The following LINGO2 variants were observed in gnomAD, a reference collection of about 807,000 sequenced individuals.
LINGO2 encodes leucine-rich repeat and immunoglobulin-like domain-containing nogo receptor-interacting protein 2.
LINGO2 carries 14 observed loss-of-function variants against 30.6 expected under a neutral mutation model. That is an observed-to-expected ratio of 0.46 (90% CI 0.30 to 0.72). The LOEUF (loss-of-function observed/expected upper bound fraction) is 0.72. Ranked by LOEUF, LINGO2 falls within the 30% of genes least tolerant of loss-of-function variation. LINGO2 has a pLI of 0.07. For missense variants in LINGO2, 729 were observed against 751.7 expected (o/e 0.97, Z 0.35); for synonymous variants, 317 against 288.5 (o/e 1.10, Z -1.00).
intron 4 of LINGO2, among the ~76,000 whole-genome samples, chr9:28,238,068 G>C (rs989072491): frequency 2.6e-5 from 4 of 151,748 alleles, no homozygotes; most frequent in African/African-American, 9.7e-5. Flanking sequence ...TAGTCAATTC[G>C]GCATAAGGAT....
intron 4 of LINGO2, among the ~76,000 whole-genome samples, chr9:28,170,656 G>A (rs549055229): frequency 3.3e-5 from 5 of 152,296 alleles, no homozygotes; most frequent in South Asian, 4.1e-4. Context: ...ATGGGTCTCA[G>A]GGCTGCATTC....
At chr9:28,609,982 A>C (rs1007328019) in intron 1 of LINGO2, among the ~76,000 whole-genome samples, 1 of 152,146 alleles carries the variant, frequency 6.6e-6, no homozygotes, top group Non-Finnish European at 1.5e-5. Flanking sequence ...GAAAATAGCA[A>C]AATGCAGAAT....
chr9:28,286,601 C>G (rs528910307), intron 4 of LINGO2, among the ~76,000 whole-genome samples: 1 of 152,036 alleles, frequency 6.6e-6, no homozygotes, highest in Non-Finnish European at 1.5e-5. Flanking sequence ...AAATGTAGTA[C>G]GTATATACCA....
intron 4 of LINGO2, among the ~76,000 whole-genome samples, chr9:28,250,671 T>C (rs915676525): frequency 6.6e-6 from 1 of 152,168 alleles, no homozygotes; most frequent in Admixed American, 6.6e-5. Context: ...CAAAGCACCC[T>C]AACCCCTCAC....
the LINGO2 span, among the ~76,000 whole-genome samples, chr9:28,697,566 C>A: frequency 6.6e-6 from 1 of 151,358 alleles, no homozygotes; most frequent in Non-Finnish European, 1.5e-5. Context: ...AAGTCTGGGT[C>A]TTTGTAAAAA....
intron 4 of LINGO2, among the ~76,000 whole-genome samples, chr9:28,259,442 C>T (rs796926871): frequency 6.6e-6 from 1 of 151,794 alleles, no homozygotes; most frequent in African/African-American, 2.4e-5. Context: ...TTCTCCCAGT[C>T]GTACAAAAGA....
intron 5 of LINGO2, among the ~76,000 whole-genome samples, chr9:28,003,141 A>G (rs1309558879): frequency 6.6e-6 from 1 of 152,222 alleles, no homozygotes; most frequent in Non-Finnish European, 1.5e-5. Context: ...AGAAAGCATT[A>G]GTGATCCTGC....
the LINGO2 span, among the ~76,000 whole-genome samples, chr9:29,190,495 T>A: frequency 6.6e-5 from 10 of 152,264 alleles, 1 homozygote; most frequent in African/African-American, 2.4e-4. Context: ...AATGTAATAT[T>A]ACTTATTTAG....
At chr9:28,005,734 T>C (rs1416456619) in intron 5 of LINGO2, among the ~76,000 whole-genome samples, 1 of 152,110 alleles carries the variant, frequency 6.6e-6, no homozygotes, top group Admixed American at 6.5e-5. Context: ...TAATATATAA[T>C]CTTTTATTTT....
chr9:28,023,414 G>T (rs2119392280), intron 4 of LINGO2, among the ~76,000 whole-genome samples: 1 of 152,270 alleles, frequency 6.6e-6, no homozygotes, highest in South Asian at 2.1e-4. Context: ...ACTTCATTAA[G>T]TAGAATCTAT....
At chr9:28,097,430 C>T (rs867784583) in intron 4 of LINGO2, among the ~76,000 whole-genome samples, 2 of 145,742 alleles carry the variant, frequency 1.4e-5, no homozygotes, top group African/African-American at 5.1e-5. Context: ...GACTTGGAAC[C>T]AACCCAAATG....
chr9:28,203,810 T>C (rs1235902089), intron 4 of LINGO2, among the ~76,000 whole-genome samples: 2 of 152,136 alleles, frequency 1.3e-5, no homozygotes, highest in African/African-American at 4.8e-5. Flanking sequence ...GGGTATTTGG[T>C]GGAATACTAT....
At chr9:28,567,342 T>C (rs1372751817) in intron 1 of LINGO2, among the ~76,000 whole-genome samples, 2 of 152,056 alleles carry the variant, frequency 1.3e-5, no homozygotes, top group African/African-American at 2.4e-5. Context: ...CACCTAGCAC[T>C]CAATATGTTT....
intron 4 of LINGO2, among the ~76,000 whole-genome samples, chr9:28,164,788 G>C (rs141451024): frequency 6.6e-6 from 1 of 152,234 alleles, no homozygotes; most frequent in African/African-American, 2.4e-5. Context: ...GTTGGTTCCA[G>C]CCCCCATTCT....
rs965073020 is a variant in LINGO2, at chr9:28,103,790, A to G, written c.-86-91385T>C. 5.3e-5 allele frequency among the ~76,000 whole-genome samples: 8 copies of G among 152,322 alleles called. No homozygotes were observed. The East Asian group carries it at 1.5e-3, about 29-fold the overall frequency. On this transcript the variant is annotated intron_variant, in intron 4 of 5. Coordinates refer to ENST00000379992, the Ensembl canonical transcript of LINGO2. ...CATAGAGAATAAATGTGACAAAACT[A>G]TCATTTTTCTATTGCACTTAGATCT...
intron 3 of LINGO2, among the ~76,000 whole-genome samples, chr9:28,302,625 C>A (rs1011007772): frequency 3.3e-5 from 5 of 152,102 alleles, no homozygotes; most frequent in African/African-American, 1.2e-4. Flanking sequence ...TAGCCCTGAT[C>A]ACACCACTGT....
chr9:28,578,371 CAG>C (rs2135635096), intron 1 of LINGO2, among the ~76,000 whole-genome samples: 1 of 152,188 alleles, frequency 6.6e-6, no homozygotes, highest in Non-Finnish European at 1.5e-5. Flanking sequence ...ATTTAGGTAA[CAG>C]ATTAAATTTA....
At chr9:28,991,989 T>C in the LINGO2 span, among the ~76,000 whole-genome samples, 1 of 152,148 alleles carries the variant, frequency 6.6e-6, no homozygotes, top group African/African-American at 2.4e-5. Flanking sequence ...AACATCATAA[T>C]GACAGAAACA....
intron 4 of LINGO2, among the ~76,000 whole-genome samples, chr9:28,149,436 T>C (rs1183889608): frequency 6.7e-6 from 1 of 150,318 alleles, no homozygotes; most frequent in African/African-American, 2.5e-5. Flanking sequence ...TGCCCCACCA[T>C]CTGGGCAGTG....
Sources: gnomAD v4.1 joint callset for allele counts (sites outside exome capture counted in the v4.1 genomes callset) on GRCh38, gnomAD v4.1.1 for gene constraint, MANE v1.5 for transcripts, NCBI Gene and HGNC (gene_info 2026-07-23, HGNC 2026-07-21) for gene names.